The following CACNA2D4 variants were observed in gnomAD, a reference collection of about 807,000 sequenced individuals.
The protein encoded by CACNA2D4 is calcium voltage-gated channel auxiliary subunit alpha2delta 4.
CACNA2D4 carries 157 observed loss-of-function variants against 163.8 expected under a neutral mutation model. The ratio of observed to expected loss-of-function variants is 0.96; its 90% CI spans 0.84 to 1.09. CACNA2D4 has a LOEUF of 1.09. Ranked by LOEUF, CACNA2D4 falls within the 50% of genes least tolerant of loss-of-function variation. CACNA2D4 has a pLI of 0.00. For synonymous variants in CACNA2D4, 598 were observed against 586.9 expected, an observed-to-expected ratio of 1.02 and a Z score of -0.27; for missense variants, 1,410 against 1,479.9, an observed-to-expected ratio of 0.95 and a Z score of 0.78.
Position 1,858,613 on chromosome 12 carries a change from C to G in CACNA2D4, c.1972G>C (p.Glu658Gln). The change falls in exon 20 of 38, where the codon GAA (glutamate) becomes CAA (glutamine). Residue 658 changes from glutamate (E) to glutamine (Q), a missense_variant. Coordinates refer to ENST00000382722, the MANE Select transcript of CACNA2D4 (RefSeq NM_172364.5). Reference protein sequence around the residue: ...LGVVLSRGHGEYILLGNTSVE... With the variant: ...LGVVLSRGHGQYILLGNTSVE... ...GACGTGTTCCCCAGAAGGATGTATT[C>G]TCCGTGGCCCCGGGACAGCACCACC... 1 of 1,612,320 alleles carries G rather than the reference C, an allele frequency of 6.2e-7. No individual in the cohort carries two copies. Among genetic ancestry groups the G allele is most frequent in the Non-Finnish European group, 8.5e-7 (1 of 1,179,036 alleles).
At chr12:1,882,595 T>A (rs991740399) in intron 13 of CACNA2D4, among the ~76,000 whole-genome samples, 1 of 152,074 alleles carries the variant, frequency 6.6e-6, no homozygotes, top group Non-Finnish European at 1.5e-5. Context: ...AAGGAACAAC[T>A]TCGGAGCAGG....
In CACNA2D4 at chr12:1,828,228, CT is replaced by C. The variant is rs1236770308; in HGVS notation, c.2551+12510del. ...AGGCAAGTCTCCTGTGAGTACACCCCTGGCCTCGGAGGGGGGTGCGGGTTGG... is the reference window on the plus strand; with the variant it reads ...AGGCAAGTCTCCTGTGAGTACACCCCGGCCTCGGAGGGGGGTGCGGGTTGG... On this transcript the variant is annotated intron_variant, in intron 26 of 37. Transcript: ENST00000382722. The surrounding 1 kb of genome is among the most constrained non-coding windows in gnomAD (Gnocchi z 4.2). 15 of 1,537,160 alleles carry C rather than the reference CT, an allele frequency of 9.8e-6. No homozygotes were observed. The highest frequency in any genetic ancestry group is 1.4e-5 in the African/African-American group (1 of 70,768).
chr12:1,902,968 T>C (rs1866570864), intron 6 of CACNA2D4, among the ~76,000 whole-genome samples: 1 of 152,092 alleles, frequency 6.6e-6, no homozygotes. Flanking sequence ...CAAATTATGC[T>C]ACAGAGCTAT....
In CACNA2D4 at chr12:1,917,821, T is replaced by G; in HGVS notation, c.227+426A>C. ...TGGGTTCAGAACTGCTTCCCCTTTT[T>G]GGAATGTCAAAATACGCATTTCCTG... On this transcript the variant is annotated intron_variant, in intron 1 of 37. Coordinates refer to ENST00000382722, the MANE Select transcript of CACNA2D4 (RefSeq NM_172364.5). The surrounding 1 kb of genome is among the most constrained non-coding windows in gnomAD (Gnocchi z 4.3). 1 of 184,706 alleles carries G rather than the reference T, an allele frequency of 5.4e-6. No individual in the cohort carries two copies. The highest frequency in any genetic ancestry group is 9.9e-5 in the South Asian group (1 of 10,144). 11.4% of individuals were successfully genotyped at this position (184,706 alleles called of 1,614,324 possible).
At chr12:1,913,167 T>G in intron 2 of CACNA2D4, 28 bp from the exon 3 acceptor site, 1 of 1,495,760 alleles carries the variant, frequency 6.7e-7, no homozygotes, top group South Asian at 1.1e-5. Flanking sequence ...GAGAGATGCG[T>G]GCATGTGGTT....
In CACNA2D4 at chr12:1,876,106, G is replaced by A. The variant is rs1338542427; in HGVS notation, c.1720-769C>T. On this transcript the variant is annotated intron_variant, in intron 16 of 37. Transcript: ENST00000382722. Reference sequence around the variant, plus strand: ...CGTAAGCTTGGGCACTGAGTATTTCGCAGAGCTCTCCAGGCATCCCTAATA... The same window carrying A: ...CGTAAGCTTGGGCACTGAGTATTTCACAGAGCTCTCCAGGCATCCCTAATA... Among the ~76,000 whole-genome samples the A allele has an allele frequency of 2.6e-5, 4 of 152,188 alleles. No individual in the cohort carries two copies. In the East Asian group the frequency reaches 5.8e-4, roughly 22 times the overall value.
intron 18 of CACNA2D4, among the ~76,000 whole-genome samples, chr12:1,864,860 G>A (rs957770503): frequency 6.6e-6 from 1 of 152,240 alleles, no homozygotes; most frequent in Admixed American, 6.5e-5. Flanking sequence ...CTTTAAAAGT[G>A]GGGTCTCTGG....
rs183104882 is a variant in CACNA2D4, at chr12:1,907,862, G to A, written c.649+13C>T. 1 of 1,613,878 alleles carries A rather than the reference G, an allele frequency of 6.2e-7. No homozygotes were observed. ...TGCCTGGTGAGTGTGCCTGAGCTGA[G>A]CGTGCCGGCTACCTTTGTTGTACAC... is the stretch of plus-strand genomic sequence containing the variant. On this transcript the variant is annotated intron_variant, in intron 5 of 37. Transcript: ENST00000382722.
At position 1,801,080 on chromosome 12, in the gene CACNA2D4, G is replaced by A. The variant is rs764887508; in HGVS notation, c.2831C>T (p.Ser944Leu). The change falls in exon 31 of 38, where the codon TCG (serine) becomes TTG (leucine). Residue 944 changes from serine to leucine, a missense_variant. Coordinates refer to ENST00000382722, the MANE Select transcript of CACNA2D4 (RefSeq NM_172364.5). The stretch of plus-strand genomic sequence containing the variant: ...CTGGGCTGCACTGTGGTGGTGACTC[G>A]AGGGTTTGCACATGGCCTGATAGTC... ...MYDYQAMCKP[S>L]SHHHSAAQPL... The A allele has an allele frequency of 3.1e-6, 5 of 1,613,632 alleles. No individual in the cohort carries two copies. Among genetic ancestry groups the A allele is most frequent in the South Asian group, 1.1e-5 (1 of 91,072 alleles).
At chr12:1,827,948 GA>G (rs1300965734) in intron 26 of CACNA2D4, 80 of 419,688 alleles carry the variant, frequency 1.9e-4, no homozygotes, top group Non-Finnish European at 1.3e-4. Context: ...CCCACCCAGG[GA>G]ATCATAACTG....
chr12:1,855,066 G>A (rs376130069), intron 22 of CACNA2D4, among the ~76,000 whole-genome samples: 1 of 152,006 alleles, frequency 6.6e-6, no homozygotes, highest in African/African-American at 2.4e-5. Flanking sequence ...TTTAAAGCAG[G>A]CCTATTTCTC....
intron 20 of CACNA2D4, among the ~76,000 whole-genome samples, chr12:1,858,100 C>A (rs1865439408): frequency 6.6e-6 from 1 of 152,218 alleles, no homozygotes; most frequent in South Asian, 2.1e-4. Context: ...TGACTTGGGA[C>A]TTCCAGCCTC....
At position 1,882,877 on chromosome 12, in the gene CACNA2D4, A is replaced by G. The variant is rs1053793366; in HGVS notation, c.1475T>C (p.Met492Thr). 26 of 1,613,626 alleles carry G rather than the reference A, an allele frequency of 1.6e-5. No homozygotes were observed. Among genetic ancestry groups the G allele is most frequent in the South Asian group, 3.3e-5 (3 of 91,024 alleles). The change falls in exon 13 of 38, where the codon ATG becomes ACG. Residue 492 changes from methionine (M) to threonine (T), a missense_variant. Physicochemically the swap from Met to Thr is moderately conservative, Grantham distance 81 (BLOSUM62 -1). Transcript: ENST00000382722. ...DHDIIWTEAY[M>T]DSKLLSSQAQ... Reference sequence around the variant, plus strand: ...TGCTGCCAGGCTCACCTTGCTGTCCATGTAGGCCTCTGTCCAGATGATGTC... The same window carrying G: ...TGCTGCCAGGCTCACCTTGCTGTCCGTGTAGGCCTCTGTCCAGATGATGTC...
chr12:1,825,695 G>A (rs1390277247), intron 26 of CACNA2D4, among the ~76,000 whole-genome samples: 1 of 152,232 alleles, frequency 6.6e-6, no homozygotes, highest in Non-Finnish European at 1.5e-5. Flanking sequence ...GCTGTGTACA[G>A]AGCTCCAAGC....
intron 18 of CACNA2D4, among the ~76,000 whole-genome samples, chr12:1,871,698 G>T (rs1216618167): frequency 6.6e-6 from 1 of 152,164 alleles, no homozygotes; most frequent in African/African-American, 2.4e-5. Flanking sequence ...CTGCTGGTGT[G>T]TGTGTACACG....
chr12:1,869,261 C>T lies in CACNA2D4; in HGVS notation c.1878+5343G>A, dbSNP rs1865719481. On this transcript the variant is annotated intron_variant, in intron 18 of 37. Coordinates refer to ENST00000382722, the MANE Select transcript of CACNA2D4 (RefSeq NM_172364.5). The surrounding 1 kb of genome is among the most constrained non-coding windows in gnomAD (Gnocchi z 4.7). ...GAGAAGTGTGTGTGAGATTTGCAGA[C>T]AGAAGTGCAGCAGTAGCCGTTTTGC... Among the ~76,000 whole-genome samples, 1 of 152,186 alleles carries T rather than the reference C, an allele frequency of 6.6e-6. No homozygotes were observed. Among genetic ancestry groups the T allele is most frequent in the South Asian group, 2.1e-4 (1 of 4,822 alleles).
intron 26 of CACNA2D4, among the ~76,000 whole-genome samples, chr12:1,819,115 T>C (rs1165389911): frequency 6.6e-6 from 1 of 151,852 alleles, no homozygotes; most frequent in Non-Finnish European, 1.5e-5. Context: ...GCCAGTCCTG[T>C]GGTGTTCCGG....
In CACNA2D4 at chr12:1,843,223, C is replaced by T. The variant is rs111756135; in HGVS notation, c.2470+1179G>A. Among the ~76,000 whole-genome samples, 72 of 152,180 alleles carry T rather than the reference C, an allele frequency of 4.7e-4. No individual in the cohort carries two copies. The highest frequency in any genetic ancestry group is 1.5e-3 in the African/African-American group (64 of 41,522). On this transcript the variant is annotated intron_variant, in intron 25 of 37. Transcript: ENST00000382722. The surrounding 1 kb of genome is among the most constrained non-coding windows in gnomAD (Gnocchi z 4.6). Reference sequence around the variant, plus strand: ...GAGGAAGGCGGGATTCCGGAGGGGGCGGGGTGGAGCTCCTCCCTGCTGTTT... The same window carrying T: ...GAGGAAGGCGGGATTCCGGAGGGGGTGGGGTGGAGCTCCTCCCTGCTGTTT...
intron 5 of CACNA2D4, 45 bp from the exon 6 acceptor site, chr12:1,907,616 G>GA: frequency 6.3e-7 from 1 of 1,574,960 alleles, no homozygotes; most frequent in Non-Finnish European, 8.7e-7. Context: ...AACTTCTCAG[G>GA]AAAATGGTGA....
Sources: gnomAD v4.1 joint callset for allele counts (sites outside exome capture counted in the v4.1 genomes callset) on GRCh38, gnomAD v4.1.1 for gene constraint, Gnocchi (gnomAD v3.1) non-coding constraint, MANE v1.5 for transcripts, NCBI Gene and HGNC (gene_info 2026-07-23, HGNC 2026-07-21) for gene names.